The following TRHDE variants were observed in gnomAD, a reference collection of about 807,000 sequenced individuals.
TRHDE encodes the protein thyrotropin releasing hormone degrading enzyme, also known as thyrotropin-releasing hormone-degrading ectoenzyme.
A neutral mutation model predicts 125.7 loss-of-function variants in TRHDE; 72 were observed. The observed-to-expected ratio is 0.57, with a 90% confidence interval of 0.47 to 0.70. TRHDE has a LOEUF of 0.70. Among genes scored for constraint, TRHDE ranks in the 30% least tolerant of loss-of-function variants. The pLI is 0.00. For synonymous variants in TRHDE, 509 were observed against 509.1 expected, an observed-to-expected ratio of 1.00 and a Z score of 0.00; for missense variants, 1,110 against 1,327.1, an observed-to-expected ratio of 0.84 and a Z score of 2.54.
chr12:72,197,023 C>T (rs916849522), intron 2 of TRHDE, among the ~76,000 whole-genome samples: 3 of 152,056 alleles, frequency 2.0e-5, no homozygotes, highest in Non-Finnish European at 4.4e-5. Flanking sequence ...TTTCCAGTGA[C>T]CTCCACATTG....
Position 72,245,802 on chromosome 12 carries a change from C to T in TRHDE, n.280-132193C>T, listed in dbSNP as rs528168836. 2.4e-4 allele frequency among the ~76,000 whole-genome samples: 37 copies of T among 151,936 alleles called. No homozygotes were observed. In the South Asian group the frequency reaches 2.7e-3, roughly 11 times the overall value. On this transcript the variant is annotated intron_variant and non_coding_transcript_variant, in intron 2 of 4. Coordinates refer to the TRHDE transcript ENST00000548156. The stretch of plus-strand genomic sequence containing the variant: ...ATATATACATATTCAATATATTTTT[C>T]CCACATCATATTCCTCTACCCAGGA...
intron 2 of TRHDE, among the ~76,000 whole-genome samples, chr12:72,155,988 C>A (rs577876505): frequency 2.0e-5 from 3 of 152,222 alleles, no homozygotes; most frequent in Admixed American, 6.5e-5. Context: ...GCCCTGCCCC[C>A]AGAGGTGGAT....
rs147989558 is a variant in TRHDE, at chr12:72,251,450, A to G, written n.280-126545A>G. 3.7e-3 allele frequency among the ~76,000 whole-genome samples: 549 copies of G among 146,430 alleles called. 5 individuals carry two copies. Among genetic ancestry groups the G allele is most frequent in the African/African-American group, 0.012 (493 of 39,560 alleles). On this transcript the variant is annotated intron_variant and non_coding_transcript_variant, in intron 2 of 4. Coordinates refer to the TRHDE transcript ENST00000548156. ...TTTTTTTTTTTTTTCACTCAGCACA[A>G]TTACCTGGAGATGCATCCAAGTTAT...
At chr12:72,114,180 A>G (rs1245489404) in intron 2 of TRHDE, among the ~76,000 whole-genome samples, 1 of 12,696 alleles carries the variant, frequency 7.9e-5, no homozygotes, top group Non-Finnish European at 3.2e-4. Flanking sequence ...AAAAAAAAGC[A>G]TGCTGGGTCT....
rs1871608402 is a variant in TRHDE at position 72,590,079 on chromosome 12, T to C, written c.2321+14537T>C. On this transcript the variant is annotated intron_variant, in intron 12 of 18. Coordinates refer to ENST00000261180, the MANE Select transcript of TRHDE (RefSeq NM_013381.3). The stretch of plus-strand genomic sequence containing the variant: ...ATCCCATAAAATTTTATATATGGTA[T>C]CATTCAGTTTAAAATATTTTCTAAT... 1.3e-5 allele frequency among the ~76,000 whole-genome samples: 2 copies of C among 152,046 alleles called. 1 individual carries two copies. The highest frequency in any genetic ancestry group is 4.1e-4 in the South Asian group (2 of 4,838).
chr12:72,635,625 T>C (rs1873708304), intron 15 of TRHDE, among the ~76,000 whole-genome samples: 1 of 151,996 alleles, frequency 6.6e-6, no homozygotes, highest in Admixed American at 6.6e-5. Flanking sequence ...CTAGGGTTTT[T>C]ATGGTTTTAG....
intron 15 of TRHDE, among the ~76,000 whole-genome samples, chr12:72,637,147 T>C: frequency 6.6e-6 from 1 of 152,138 alleles, no homozygotes; most frequent in Non-Finnish European, 1.5e-5. Context: ...CTCTTTTTGG[T>C]TGGTAAGCTA....
At chr12:72,529,653 CT>C (rs1868440087) in intron 6 of TRHDE, among the ~76,000 whole-genome samples, 1 of 152,170 alleles carries the variant, frequency 6.6e-6, no homozygotes, top group Admixed American at 6.5e-5. Context: ...CAAATGACCT[CT>C]TTCTACATGT....
chr12:72,443,242 T>C (rs979532124), intron 3 of TRHDE, among the ~76,000 whole-genome samples: 5 of 150,320 alleles, frequency 3.3e-5, no homozygotes, highest in Non-Finnish European at 5.9e-5. Context: ...TTTCCACTAC[T>C]TTATGTGCTT....
intron 12 of TRHDE, among the ~76,000 whole-genome samples, chr12:72,588,315 G>C (rs1757200563): frequency 6.6e-6 from 1 of 152,110 alleles, no homozygotes; most frequent in Non-Finnish European, 1.5e-5. Context: ...TTGAGAAGTA[G>C]TTTGAAAGAA....
intron 7 of TRHDE, among the ~76,000 whole-genome samples, chr12:72,553,467 A>G (rs1869770393): frequency 6.6e-6 from 1 of 152,170 alleles, no homozygotes; most frequent in Non-Finnish European, 1.5e-5. Context: ...CAGTAAGATT[A>G]GTGTCTTTAT....
chr12:72,563,532 A>C (rs1008545791), intron 9 of TRHDE, among the ~76,000 whole-genome samples: 3 of 152,214 alleles, frequency 2.0e-5, no homozygotes, highest in African/African-American at 7.2e-5. Context: ...CTTAGTATCA[A>C]CATATTTTCT....
intron 2 of TRHDE, among the ~76,000 whole-genome samples, chr12:72,109,630 T>TAAACAAAACAAAACAAAACA (rs10522997): frequency 1.3e-5 from 2 of 151,014 alleles, no homozygotes; most frequent in Non-Finnish European, 3.0e-5. Flanking sequence ...AACAATGTTT[T>TAAACAAAACAAAACAAAACA]AAACAAAACA....
chr12:72,389,100 G>T (rs1352438696), intron 3 of TRHDE, among the ~76,000 whole-genome samples: 2 of 152,052 alleles, frequency 1.3e-5, no homozygotes, highest in Admixed American at 1.3e-4. Context: ...TATTTAGGAA[G>T]TGATAACTGC....
intron 12 of TRHDE, chr12:72,582,640 G>T (rs1343955109): frequency 2.0e-6 from 2 of 984,230 alleles, no homozygotes; most frequent in Non-Finnish European, 2.4e-6. Flanking sequence ...TTTGATAGCT[G>T]GTTGTTTAAA....
intron 2 of TRHDE, among the ~76,000 whole-genome samples, chr12:72,287,916 A>G (rs1014484648): frequency 6.6e-6 from 1 of 150,722 alleles, no homozygotes; most frequent in Non-Finnish European, 1.5e-5. Context: ...TAATTTTCAT[A>G]TTAACATTAA....
intron 1 of TRHDE, among the ~76,000 whole-genome samples, chr12:72,100,172 A>G (rs1229339596): frequency 6.6e-6 from 1 of 152,156 alleles, no homozygotes; most frequent in Non-Finnish European, 1.5e-5. Context: ...AGACTGCTGA[A>G]TCTCCTTGTG....
chr12:72,586,471 T>G (rs190135036), intron 12 of TRHDE, among the ~76,000 whole-genome samples: 2 of 152,184 alleles, frequency 1.3e-5, no homozygotes, highest in Non-Finnish European at 2.9e-5. Flanking sequence ...TTCACTATTT[T>G]GGATGTAAGA....
intron 12 of TRHDE, among the ~76,000 whole-genome samples, chr12:72,576,440 A>G (rs1406781317): frequency 2.0e-5 from 3 of 152,094 alleles, no homozygotes; most frequent in African/African-American, 2.4e-5. Context: ...TCAAAATTCA[A>G]TTCTCTTCCA....
Sources: gnomAD v4.1 joint callset for allele counts (sites outside exome capture counted in the v4.1 genomes callset) on GRCh38, gnomAD v4.1.1 for gene constraint, MANE v1.5 for transcripts, NCBI Gene and HGNC (gene_info 2026-07-23, HGNC 2026-07-21) for gene names.